MAP1B: variants seen among roughly 807,000 people sequenced by gnomAD.
MAP1B encodes microtubule-associated protein 1B.
MAP1B carries 12 observed loss-of-function variants against 176.1 expected under a neutral mutation model. That is an observed-to-expected ratio of 0.07 (90% CI 0.04 to 0.11). MAP1B has a LOEUF of 0.11. MAP1B is among the 10% of genes least tolerant of loss of function. MAP1B has a pLI of 1.00. For missense variants in MAP1B, 2,523 were observed against 2,990.5 expected (o/e 0.84, Z 3.65); for synonymous variants, 1,044 against 1,135.0 (o/e 0.92, Z 1.61).
chr5:72,113,741 A>G (rs1745383450), intron 1 of MAP1B, among the ~76,000 whole-genome samples: 1 of 152,386 alleles, frequency 6.6e-6, no homozygotes, highest in South Asian at 2.1e-4. Context: ...GACCTGGAAC[A>G]AGGAGAATTC....
rs761744571 is a variant in MAP1B at position 72,199,143 on chromosome 5, A to G, written c.5788A>G (p.Thr1930Ala). The change falls in exon 5 of 7, where the codon ACC (threonine) becomes GCC (alanine). Residue 1930 changes from threonine to alanine, a missense_variant. Around this residue, in one of 4 missense-constraint regions of MAP1B, gnomAD observed 1,925 missense variants for 2,126.0 expected, o/e 0.91. Transcript: ENST00000296755. This position sits in a 1 kb window ranked among gnomAD's most constrained non-coding sequence, Gnocchi z 4.2. ...GYSYETIGKT[T>A]KTPEDGDYSY... ...CTCCTATGAGACCATTGGGAAAACT[A>G]CCAAGACCCCTGAAGATGGTGACTA... is the stretch of plus-strand genomic sequence containing the variant. The G allele has an allele frequency of 9.9e-6, 16 of 1,614,066 alleles. No homozygotes were observed. The highest frequency in any genetic ancestry group is 5.3e-5 in the African/African-American group (4 of 74,932).
At chr5:72,148,596 A>G (rs1746087419) in intron 2 of MAP1B, among the ~76,000 whole-genome samples, 1 of 152,222 alleles carries the variant, frequency 6.6e-6, no homozygotes, top group Admixed American at 6.5e-5. Context: ...AGCTCACAAG[A>G]TGATTCTTCT....
At chr5:72,120,127 A>G (rs771615032) in intron 2 of MAP1B, among the ~76,000 whole-genome samples, 5 of 152,238 alleles carry the variant, frequency 3.3e-5, no homozygotes, top group African/African-American at 4.8e-5. Flanking sequence ...ACAAGCAAAC[A>G]AATAAAAACT....
rs776494435 is a variant in MAP1B, at chr5:72,198,721, C to G, written c.5366C>G (p.Pro1789Arg). Residue 1789 changes from proline to arginine, a missense_variant, in exon 5 of 7, where the codon CCA becomes CGA. Physicochemically the swap from Pro to Arg is moderately radical, Grantham distance 103. Around this residue, in one of 4 missense-constraint regions of MAP1B, gnomAD observed 1,925 missense variants for 2,126.0 expected, o/e 0.91. Transcript: ENST00000296755. ...AAATCTGATATCTCTCCACTCACCC[C>G]ACGAGAGTCCTCTCCTTTATATTCA... ...SPKSDISPLT[P>R]RESSPLYSPT... 6 of 1,614,048 alleles carry G rather than the reference C, an allele frequency of 3.7e-6. No individual in the cohort carries two copies. The South Asian group carries it at 6.6e-5, about 18-fold the overall frequency.
chr5:72,143,010 A>T lies in MAP1B; in HGVS notation c.286+27211A>T, dbSNP rs549845882. On this transcript the variant is annotated intron_variant, in intron 2 of 6. Transcript: ENST00000296755. ...TGTGAAATCCATAGTGAAAAGTCTG[A>T]TTGCATAGGTGTCCATATGCTGGAG... 3.9e-5 allele frequency among the ~76,000 whole-genome samples: 6 copies of T among 152,278 alleles called. 1 individual carries two copies. The highest frequency in any genetic ancestry group is 1.4e-4 in the African/African-American group (6 of 41,550).
intron 2 of MAP1B, among the ~76,000 whole-genome samples, chr5:72,128,523 C>T (rs1335279599): frequency 6.6e-6 from 1 of 152,186 alleles, no homozygotes; most frequent in Non-Finnish European, 1.5e-5. Context: ...CAAGTATGCA[C>T]TAGCTCACTG....
chr5:72,127,791 T>A (rs1317372762), intron 2 of MAP1B, among the ~76,000 whole-genome samples: 1 of 152,186 alleles, frequency 6.6e-6, no homozygotes, highest in Non-Finnish European at 1.5e-5. Flanking sequence ...CAATAATCCC[T>A]CGTGGGATTA....
intron 2 of MAP1B, among the ~76,000 whole-genome samples, chr5:72,176,084 T>C (rs1422116004): frequency 6.6e-6 from 1 of 152,226 alleles, no homozygotes; most frequent in Non-Finnish European, 1.5e-5. Flanking sequence ...ATGTCATTTC[T>C]AGGAATATTA....
At chr5:72,142,827 G>A (rs917010036) in intron 2 of MAP1B, among the ~76,000 whole-genome samples, 1 of 152,028 alleles carries the variant, frequency 6.6e-6, no homozygotes, top group Non-Finnish European at 1.5e-5. Context: ...ATAGGCCGTA[G>A]TGCGTAAACA....
intron 2 of MAP1B, among the ~76,000 whole-genome samples, chr5:72,155,091 G>A (rs1002061458): frequency 1.3e-5 from 2 of 152,304 alleles, no homozygotes; most frequent in South Asian, 2.1e-4. Context: ...TACACACTGT[G>A]TCCATTCACT....
chr5:72,112,577 C>T (rs191178343), intron 1 of MAP1B, among the ~76,000 whole-genome samples: 3 of 152,316 alleles, frequency 2.0e-5, no homozygotes, highest in Admixed American at 1.3e-4. Flanking sequence ...CTTGTGTGCA[C>T]TGCTACCACC....
intron 2 of MAP1B, among the ~76,000 whole-genome samples, chr5:72,124,336 CA>C (rs2112132385): frequency 6.6e-6 from 1 of 152,252 alleles, no homozygotes; most frequent in Non-Finnish European, 1.5e-5. Flanking sequence ...GAGAAATTAA[CA>C]TAAATACAAG....
At chr5:72,184,142 G>T (rs1027035068) in intron 3 of MAP1B, among the ~76,000 whole-genome samples, 1 of 152,220 alleles carries the variant, frequency 6.6e-6, no homozygotes, top group African/African-American at 2.4e-5. Flanking sequence ...TGATAGGGAT[G>T]TATTAGGGAA....
chr5:72,187,323 C>T (rs1270322604), intron 4 of MAP1B, among the ~76,000 whole-genome samples: 6 of 152,268 alleles, frequency 3.9e-5, no homozygotes, highest in Admixed American at 1.3e-4. Context: ...ATTTCTAATG[C>T]GTATCTTATT....
At chr5:72,128,934 G>A (rs929764473) in intron 2 of MAP1B, among the ~76,000 whole-genome samples, 18 of 152,268 alleles carry the variant, frequency 1.2e-4, no homozygotes, top group African/African-American at 3.6e-4. Flanking sequence ...ATTACAGTGT[G>A]AGCCACTGCA....
chr5:72,156,796 G>C (rs1436488042), intron 2 of MAP1B, among the ~76,000 whole-genome samples: 1 of 152,146 alleles, frequency 6.6e-6, no homozygotes, highest in Admixed American at 6.5e-5. Flanking sequence ...CCCACACAGG[G>C]ACACAGAGCA....
chr5:72,190,542 C>T (rs535768103), intron 4 of MAP1B, among the ~76,000 whole-genome samples: 21 of 152,334 alleles, frequency 1.4e-4, no homozygotes, highest in African/African-American at 5.1e-4. Context: ...ATCCCAATGT[C>T]AAGAGCTTTT....
chr5:72,195,909 A>C lies in MAP1B; in HGVS notation c.2554A>C (p.Lys852Gln). 1.2e-6 allele frequency: 2 copies of C among 1,614,260 alleles called. No homozygotes were observed. ...ELKAEEVDVT[K>Q]DIKPQLELIE... ...AAAGGCTGAAGAGGTCGATGTAACA[A>C]AGGACATCAAGCCTCAGCTGGAGCT... is the stretch of plus-strand genomic sequence containing the variant. Residue 852 changes from lysine (K) to glutamine (Q), a missense_variant, in exon 5 of 7, where the codon AAG becomes CAG. Physicochemically the swap from Lys to Gln is moderately conservative, Grantham distance 53. This residue lies in a region of MAP1B where 1,925 missense variants were observed against 2,126.0 expected (regional missense o/e 0.91). Transcript: ENST00000296755.
chr5:72,119,306 C>T (rs13171561), intron 2 of MAP1B, among the ~76,000 whole-genome samples: 1 of 152,040 alleles, frequency 6.6e-6, no homozygotes, highest in East Asian at 1.9e-4. Flanking sequence ...ACTCAACAAA[C>T]CTTTGCTGTG....
Sources: allele counts gnomAD v4.1 joint callset (sites outside exome capture counted in the v4.1 genomes callset), GRCh38; gene constraint gnomAD v4.1.1; regional missense constraint gnomAD v4.1.1; non-coding constraint Gnocchi (gnomAD v3.1); transcripts MANE v1.5; gene names NCBI Gene and HGNC (gene_info 2026-07-23, HGNC 2026-07-21).